TENM4: variants seen among roughly 807,000 people sequenced by gnomAD.
TENM4 encodes the protein teneurin-4.
A neutral mutation model predicts 243.3 loss-of-function variants in TENM4; 82 were observed. That is an observed-to-expected ratio of 0.34 (90% CI 0.28 to 0.40). The LOEUF is 0.40. TENM4 is among the 10% of genes least tolerant of loss of function. The probability of loss-of-function intolerance (pLI) is 1.00; values close to 1 mark genes in which losing one functional copy is unlikely to be tolerated. For missense variants in TENM4, 3,138 were observed against 3,673.3 expected (o/e 0.85, Z 3.77); for synonymous variants, 1,412 against 1,456.3 (o/e 0.97, Z 0.69).
At chr11:78,884,649 A>G (rs977804096) in intron 9 of TENM4, among the ~76,000 whole-genome samples, 1 of 152,256 alleles carries the variant, frequency 6.6e-6, no homozygotes, top group Non-Finnish European at 1.5e-5. Context: ...GAGGGTCCAG[A>G]GAAATGATAC....
At chr11:79,124,458 T>G (rs186538639) in intron 4 of TENM4, among the ~76,000 whole-genome samples, 1 of 152,094 alleles carries the variant, frequency 6.6e-6, no homozygotes, top group Non-Finnish European at 1.5e-5. Flanking sequence ...GGATGCTTCC[T>G]GGCCTCAAAA....
chr11:79,329,847 C>T (rs767405034), intron 1 of TENM4, among the ~76,000 whole-genome samples: 2 of 152,030 alleles, frequency 1.3e-5, no homozygotes, highest in Non-Finnish European at 2.9e-5. Context: ...TGGGAAGCCA[C>T]GGGAAGGTTT....
At chr11:78,805,621 T>C in intron 14 of TENM4, 129 bp from the exon 15 acceptor site, 1 of 1,145,204 alleles carries the variant, frequency 8.7e-7, no homozygotes, top group South Asian at 1.3e-5. Flanking sequence ...ATAGGTCACT[T>C]AGTAAGGTGA....
At chr11:78,741,141 G>C (rs1855920685) in intron 19 of TENM4, among the ~76,000 whole-genome samples, 1 of 152,178 alleles carries the variant, frequency 6.6e-6, no homozygotes, top group Non-Finnish European at 1.5e-5. Flanking sequence ...AAAGGAGATG[G>C]GAAGTCAGCT....
chr11:79,116,133 A>G (rs958223910), intron 4 of TENM4, among the ~76,000 whole-genome samples: 17 of 152,360 alleles, frequency 1.1e-4, no homozygotes, highest in African/African-American at 3.8e-4. Flanking sequence ...AATTGTCCAC[A>G]TTGGTCTTAC....
chr11:79,193,999 C>T (rs1321550433), intron 3 of TENM4, among the ~76,000 whole-genome samples: 2 of 152,018 alleles, frequency 1.3e-5, no homozygotes, highest in African/African-American at 4.8e-5. Flanking sequence ...AGAATTCCCA[C>T]CTGTTGTGGG....
rs186156112 is a variant in TENM4, at chr11:78,815,287, G to A, written c.1682-892C>T. On this transcript the variant is annotated intron_variant, in intron 12 of 33. Transcript: ENST00000278550. ...TGTAATCCCAGCTACTCAGGAGGAT[G>A]AGGTGGGAGACTCACTAGAACCTGG... Among the ~76,000 whole-genome samples, 7 of 152,264 alleles carry A rather than the reference G, an allele frequency of 4.6e-5. No individual in the cohort carries two copies. In the East Asian group the frequency reaches 1.4e-3, roughly 29 times the overall value.
intron 3 of TENM4, among the ~76,000 whole-genome samples, chr11:79,210,491 A>G (rs1863935945): frequency 6.6e-6 from 1 of 152,228 alleles, no homozygotes; most frequent in African/African-American, 2.4e-5. Context: ...AAAGAGCAGC[A>G]GTACATAGCA....
chr11:79,010,225 G>T (rs1188638363), intron 6 of TENM4, among the ~76,000 whole-genome samples: 1 of 152,098 alleles, frequency 6.6e-6, no homozygotes, highest in East Asian at 1.9e-4. Context: ...ACCTTTACAT[G>T]ATACTTTTCA....
intron 1 of TENM4, among the ~76,000 whole-genome samples, chr11:79,376,304 T>G (rs1441015291): frequency 6.6e-6 from 1 of 152,214 alleles, no homozygotes; most frequent in Non-Finnish European, 1.5e-5. Context: ...ACCTGTCTCT[T>G]GATGTCCTCA....
chr11:79,235,854 T>C (rs2135270436), intron 2 of TENM4, among the ~76,000 whole-genome samples: 1 of 152,276 alleles, frequency 6.6e-6, no homozygotes, highest in Non-Finnish European at 1.5e-5. Flanking sequence ...TTATCTGAAC[T>C]CTGGTAAGAA....
chr11:79,029,961 T>G (rs1431840649), intron 6 of TENM4, among the ~76,000 whole-genome samples: 1 of 152,128 alleles, frequency 6.6e-6, no homozygotes, highest in African/African-American at 2.4e-5. Context: ...GCTGCATTGC[T>G]CTAGCCCAGG....
At position 79,167,151 on chromosome 11, in the gene TENM4, G is replaced by A. The variant is rs990965192; in HGVS notation, c.-162-18345C>T. Among the ~76,000 whole-genome samples the A allele has an allele frequency of 2.0e-5, 3 of 152,336 alleles. No homozygotes were observed. The East Asian group carries it at 5.8e-4, about 29-fold the overall frequency. On this transcript the variant is annotated intron_variant, in intron 3 of 33. Transcript: ENST00000278550. Reference sequence around the variant, plus strand: ...GTTCTACAGAGTTACCAAAGCCCAGGCTCCTTTCACATTTGAACTCTTCCA... The same window carrying A: ...GTTCTACAGAGTTACCAAAGCCCAGACTCCTTTCACATTTGAACTCTTCCA...
intron 4 of TENM4, among the ~76,000 whole-genome samples, chr11:79,099,272 G>A (rs983505980): frequency 6.6e-6 from 1 of 152,062 alleles, no homozygotes; most frequent in Admixed American, 6.5e-5. Flanking sequence ...TCTAGCCCCA[G>A]TGCCTTTGCT....
chr11:79,397,101 C>T (rs1008232564), intron 1 of TENM4, among the ~76,000 whole-genome samples: 1 of 152,050 alleles, frequency 6.6e-6, no homozygotes, highest in African/African-American at 2.4e-5. Flanking sequence ...TTTGGCTTGA[C>T]GTGTTAGGGC....
At chr11:78,995,583 G>A (rs758970090) in intron 6 of TENM4, among the ~76,000 whole-genome samples, 29 of 152,118 alleles carry the variant, frequency 1.9e-4, no homozygotes, top group Non-Finnish European at 4.1e-4. Flanking sequence ...TGTCAACAGA[G>A]ATACAGAAAA....
At chr11:79,310,556 A>T (rs11605001) in intron 1 of TENM4, among the ~76,000 whole-genome samples, 1,721 of 152,310 alleles carry the variant, frequency 0.011, 14 homozygotes, top group South Asian at 0.024. Context: ...CCATGGCCAG[A>T]AGAAGAGAAG....
chr11:79,164,957 ATGTGTG>A lies in TENM4; in HGVS notation c.-162-16157_-162-16152del, dbSNP rs369197845. On this transcript the variant is annotated intron_variant, in intron 3 of 33. Transcript: ENST00000278550. ...GAAAATGGACTAATACTATATATAT[ATGTGTG>A]TGTGTGTGTGTGTGTGTGTGTGTGT... is the stretch of plus-strand genomic sequence containing the variant. Among the ~76,000 whole-genome samples the A allele has an allele frequency of 5.7e-3, 792 of 139,916 alleles. 9 individuals are homozygous for A. Among genetic ancestry groups the A allele is most frequent in the African/African-American group, 0.017 (658 of 37,986 alleles). 91.8% of individuals were successfully genotyped at this position (139,916 alleles called of 152,430 possible). A position where few individuals can be genotyped will look rare whatever the true frequency, so the allele number is the denominator to read the frequency against.
chr11:79,405,847 CAAA>C (rs763128589), intron 1 of TENM4, among the ~76,000 whole-genome samples: 3 of 69,262 alleles, frequency 4.3e-5, no homozygotes, highest in African/African-American at 5.1e-5. Context: ...ATTGTGATTT[CAAA>C]AAAAAAAAAA....
Sources: allele counts gnomAD v4.1 joint callset (sites outside exome capture counted in the v4.1 genomes callset), GRCh38; gene constraint gnomAD v4.1.1; transcripts MANE v1.5; gene names NCBI Gene and HGNC (gene_info 2026-07-23, HGNC 2026-07-21).